Variants in PDZD2 observed in about 807,000 individuals in gnomAD.
PDZD2 encodes the protein PDZ domain containing 2.
Under a neutral mutation model 220.7 loss-of-function variants are expected in PDZD2, and 90 were observed. The observed-to-expected ratio is 0.41, with a 90% CI of 0.34 to 0.49. The LOEUF is 0.49. Among genes scored for constraint, PDZD2 ranks in the 20% least tolerant of loss-of-function variants. The probability of loss-of-function intolerance (pLI) is 0.28; values close to 1 mark genes in which losing one functional copy is unlikely to be tolerated. For synonymous variants in PDZD2, 1,375 were observed against 1,450.5 expected, an observed-to-expected ratio of 0.95 and a Z score of 1.18; for missense variants, 3,174 against 3,608.5, an observed-to-expected ratio of 0.88 and a Z score of 3.08.
At chr5:31,828,296 A>G (rs1208510453) in intron 2 of PDZD2, among the ~76,000 whole-genome samples, 1 of 152,180 alleles carries the variant, frequency 6.6e-6, no homozygotes, top group African/African-American at 2.4e-5. Context: ...TTACATCCCC[A>G]CCAGCAGTGT....
In PDZD2 at chr5:31,832,773, G is replaced by A. The variant is rs569088353; in HGVS notation, c.476+33049G>A. Among the ~76,000 whole-genome samples, 101 of 152,188 alleles carry A rather than the reference G, an allele frequency of 6.6e-4. No individual in the cohort carries two copies. The South Asian group carries it at 6.7e-3, about 10-fold the overall frequency. ...GGAGGTTGCAGTGAGCCGAGATCGCGCCACTGCACTCCAGCCTGGGTGACA... is the reference window on the plus strand; with the variant it reads ...GGAGGTTGCAGTGAGCCGAGATCGCACCACTGCACTCCAGCCTGGGTGACA... On this transcript the variant is annotated intron_variant, in intron 2 of 24. Transcript: ENST00000438447.
rs1208224969 is a variant in PDZD2, at chr5:31,791,356, C to T, written c.-360-7533C>T. ...CTGTAATCCCAGCACTTTGGGAGGC[C>T]GACGCGGGCAGATCACCTGAGGTCA... On this transcript the variant is annotated intron_variant, in intron 1 of 24. Coordinates refer to ENST00000438447, the MANE Select transcript of PDZD2 (RefSeq NM_178140.4). Among the ~76,000 whole-genome samples the T allele has an allele frequency of 5.3e-5, 8 of 151,854 alleles. No homozygotes were observed. In the East Asian group the frequency reaches 9.8e-4, roughly 19 times the overall value.
rs74889634 is a variant in PDZD2 at position 31,703,859 on chromosome 5, T to G, written c.-361+64422T>G. On this transcript the variant is annotated intron_variant, in intron 1 of 24. Coordinates refer to ENST00000438447, the MANE Select transcript of PDZD2 (RefSeq NM_178140.4). ...TGTAAAAGAAATCACTGTATAAACA[T>G]AAAGTAAATTTTCATAAATAATTTT... Among the ~76,000 whole-genome samples the G allele has an allele frequency of 5.4e-3, 821 of 152,260 alleles. 9 individuals carry two copies. The highest frequency in any genetic ancestry group is 0.019 in the African/African-American group (790 of 41,544).
At chr5:31,964,822 T>A (rs1748574764) in intron 2 of PDZD2, among the ~76,000 whole-genome samples, 1 of 152,148 alleles carries the variant, frequency 6.6e-6, no homozygotes, top group Non-Finnish European at 1.5e-5. Context: ...TTCACGCCAT[T>A]CTCCTGCCTC....
intron 1 of PDZD2, among the ~76,000 whole-genome samples, chr5:31,682,022 A>G (rs143836395): frequency 6.6e-6 from 1 of 152,322 alleles, no homozygotes; most frequent in East Asian, 1.9e-4. Flanking sequence ...TTTTTGGAAC[A>G]TCGCATTCTT....
chr5:32,002,139 CA>C (rs1230822586), intron 5 of PDZD2, among the ~76,000 whole-genome samples: 1 of 152,120 alleles, frequency 6.6e-6, no homozygotes, highest in Non-Finnish European at 1.5e-5. Flanking sequence ...TTGGGCTATC[CA>C]AAAAATCTGC....
intron 1 of PDZD2, among the ~76,000 whole-genome samples, chr5:31,752,587 T>C (rs937437708): frequency 1.3e-5 from 2 of 151,820 alleles, no homozygotes; most frequent in African/African-American, 4.8e-5. Context: ...AGGCGTTTTT[T>C]TTTCCCCCCC....
chr5:31,871,137 T>A (rs887156580), intron 2 of PDZD2, among the ~76,000 whole-genome samples: 1 of 152,206 alleles, frequency 6.6e-6, no homozygotes, highest in African/African-American at 2.4e-5. Context: ...GTATATAATA[T>A]ACAAGTGTAT....
In PDZD2 at chr5:32,000,294, T is replaced by C. The variant is rs765864849; in HGVS notation, c.1254+23T>C. The C allele has an allele frequency of 6.2e-7, 1 of 1,613,632 alleles. No individual in the cohort carries two copies. The highest frequency in any genetic ancestry group is 8.5e-7 in the Non-Finnish European group (1 of 1,179,600). The stretch of plus-strand genomic sequence containing the variant: ...AAGGTAGGTCGTGTTTGTTTTTTGG[T>C]ACTCGTAATGGTGGCAGTGGTGAGT... On this transcript the variant is annotated intron_variant, in intron 5 of 24. Transcript: ENST00000438447. The surrounding 1 kb of genome is among the most constrained non-coding windows in gnomAD (Gnocchi z 4.5).
At chr5:31,795,978 C>G (rs1342315823) in intron 1 of PDZD2, among the ~76,000 whole-genome samples, 1 of 152,104 alleles carries the variant, frequency 6.6e-6, no homozygotes, top group Non-Finnish European at 1.5e-5. Context: ...AAAACTGCTT[C>G]CCTGTCCATC....
intron 5 of PDZD2, among the ~76,000 whole-genome samples, chr5:32,002,054 TTA>T (rs767893670): frequency 3.3e-5 from 5 of 152,206 alleles, no homozygotes; most frequent in Non-Finnish European, 7.3e-5. Flanking sequence ...ATAGGTCTCT[TTA>T]TATTTTCCCC....
At chr5:31,677,966 G>T (rs2150121588) in intron 1 of PDZD2, among the ~76,000 whole-genome samples, 1 of 152,140 alleles carries the variant, frequency 6.6e-6, no homozygotes, top group Non-Finnish European at 1.5e-5. Context: ...TTGTAAAGAT[G>T]GTTTCATGGA....
At chr5:31,981,652 G>A (rs866902315) in intron 2 of PDZD2, among the ~76,000 whole-genome samples, 3 of 152,226 alleles carry the variant, frequency 2.0e-5, no homozygotes, top group South Asian at 4.1e-4. Context: ...AGCATAAGAA[G>A]TCCAGAAGCA....
rs1751026161 is a variant in PDZD2 at position 31,989,427 on chromosome 5, T to TTTTTTTTTTTTTTTTTATTTATTTTTTTA, written c.978+5784_978+5785insTTTATTTATTTTTTTATTTTTTTTTTTTT. Among the ~76,000 whole-genome samples, 365 of 144,440 alleles carry TTTTTTTTTTTTTTTTTATTTATTTTTTTA rather than the reference T, an allele frequency of 2.5e-3. 14 individuals carry two copies. The highest frequency in any genetic ancestry group is 9.4e-3 in the African/African-American group (346 of 36,738). 94.8% of individuals were successfully genotyped at this position (144,440 alleles called of 152,430 possible). On this transcript the variant is annotated intron_variant, in intron 3 of 24. Coordinates refer to ENST00000438447, the MANE Select transcript of PDZD2 (RefSeq NM_178140.4). ...ATATACCACATTTTCTTTTCTTTTTTTTTTTTTTTTTTTGAGACGAAGTCT... is the reference window on the plus strand; with the variant it reads ...ATATACCACATTTTCTTTTCTTTTTTTTTTTTTTTTTTTTTTATTTATTTTTTTATTTTTTTTTTTTTGAGACGAAGTCT...
intron 1 of PDZD2, among the ~76,000 whole-genome samples, chr5:31,678,068 A>G (rs1191629569): frequency 6.6e-6 from 1 of 152,234 alleles, no homozygotes; most frequent in Non-Finnish European, 1.5e-5. Flanking sequence ...GTGGTTTATT[A>G]CATGTCAATT....
At chr5:32,052,941 A>G (rs1738720991) in intron 9 of PDZD2, among the ~76,000 whole-genome samples, 1 of 152,130 alleles carries the variant, frequency 6.6e-6, no homozygotes, top group Non-Finnish European at 1.5e-5. Flanking sequence ...TTCCCAAAGC[A>G]CTGAGATTAT....
chr5:31,818,592 C>G (rs1755619194), intron 2 of PDZD2, among the ~76,000 whole-genome samples: 1 of 152,180 alleles, frequency 6.6e-6, no homozygotes, highest in Non-Finnish European at 1.5e-5. Flanking sequence ...GCACTGGCAC[C>G]TCTTGCTGAC....
Position 31,741,033 on chromosome 5 carries a change from G to A in PDZD2, c.-360-57856G>A, listed in dbSNP as rs528365826. On this transcript the variant is annotated intron_variant, in intron 1 of 24. Coordinates refer to ENST00000438447, the MANE Select transcript of PDZD2 (RefSeq NM_178140.4). ...AGTGCCTCAAACTACATCCTGTTCA[G>A]ACATGTTTTAACATGCTAGTAGAAG... Among the ~76,000 whole-genome samples the A allele has an allele frequency of 2.6e-5, 4 of 152,262 alleles. No individual in the cohort carries two copies. The South Asian group carries it at 8.3e-4, about 32-fold the overall frequency.
At chr5:31,717,195 G>A (rs2150144114) in intron 1 of PDZD2, among the ~76,000 whole-genome samples, 1 of 152,198 alleles carries the variant, frequency 6.6e-6, no homozygotes, top group African/African-American at 2.4e-5. Flanking sequence ...GTTGTGTCTG[G>A]CCTTTGCGAG....
Sources: allele counts gnomAD v4.1 joint callset (sites outside exome capture counted in the v4.1 genomes callset), GRCh38; gene constraint gnomAD v4.1.1; non-coding constraint Gnocchi (gnomAD v3.1); transcripts MANE v1.5; gene names NCBI Gene and HGNC (gene_info 2026-07-23, HGNC 2026-07-21).